Variants in DDX10 observed in about 807,000 individuals in gnomAD.
DDX10 encodes the protein DEAD-box helicase 10, also known as probable ATP-dependent RNA helicase DDX10.
Under a neutral mutation model 104.3 loss-of-function variants are expected in DDX10, and 74 were observed. The ratio of observed to expected loss-of-function variants is 0.71; its 90% CI spans 0.59 to 0.86. The LOEUF (loss-of-function observed/expected upper bound fraction) is 0.86, where lower values mean the gene tolerates loss of function less well. Ranked by LOEUF, DDX10 falls within the 40% of genes least tolerant of loss-of-function variation. The pLI is 0.00. For missense variants in DDX10, 952 were observed against 1,040.0 expected (o/e 0.92, Z 1.16); for synonymous variants, 351 against 353.4 (o/e 0.99, Z 0.08).
chr11:108,909,299 C>T (rs1290940282), intron 16 of DDX10, among the ~76,000 whole-genome samples: 2 of 152,148 alleles, frequency 1.3e-5, no homozygotes, highest in African/African-American at 4.8e-5. Flanking sequence ...GGACGGTGGC[C>T]CACCCAGGAA....
intron 17 of DDX10, chr11:108,929,472 C>G (rs979975138): frequency 1.3e-5 from 2 of 152,230 alleles, no homozygotes; most frequent in African/African-American, 4.8e-5. Flanking sequence ...CTGTACAATT[C>G]TGTGTATTCC....
intron 9 of DDX10, among the ~76,000 whole-genome samples, chr11:108,704,935 C>T (rs927151858): frequency 3.3e-5 from 5 of 152,128 alleles, no homozygotes; most frequent in Admixed American, 6.5e-5. Context: ...CCCCTAATGT[C>T]GGACAAATTC....
intron 17 of DDX10, among the ~76,000 whole-genome samples, chr11:108,931,623 A>C (rs527501092): frequency 6.6e-6 from 1 of 152,338 alleles, no homozygotes; most frequent in East Asian, 1.9e-4. Flanking sequence ...AGTTAAGGGG[A>C]TAAAAGGTTC....
At chr11:108,929,980 C>T (rs1863956466) in intron 17 of DDX10, among the ~76,000 whole-genome samples, 1 of 152,134 alleles carries the variant, frequency 6.6e-6, no homozygotes, top group Non-Finnish European at 1.5e-5. Context: ...AAATTTGTTA[C>T]AATTGATGAA....
At chr11:108,736,967 A>G (rs367687832) in intron 13 of DDX10, among the ~76,000 whole-genome samples, 67 of 152,336 alleles carry the variant, frequency 4.4e-4, no homozygotes, top group African/African-American at 1.3e-3. Context: ...CACATTGTCT[A>G]TATAATGAAG....
Position 108,689,051 on chromosome 11 carries a change from A to G in DDX10, c.964A>G (p.Ser322Gly), listed in dbSNP as rs1012176409. 1 of 1,613,984 alleles carries G rather than the reference A, an allele frequency of 6.2e-7. No homozygotes were observed. Among genetic ancestry groups the G allele is most frequent in the South Asian group, 1.1e-5 (1 of 91,030 alleles). ...LKKKSIVFFS[S>G]CKEVQYLYRV... ...GAAGAAGAGCATTGTATTTTTTTCC[A>G]GTTGCAAAGAGGTATTGGCTGTTTA... Residue 322 changes from serine to glycine, a missense_variant, in exon 7 of 18, where the codon AGT becomes GGT. Ser to Gly is a moderately conservative substitution (Grantham distance 56). This residue lies in a region of DDX10 where 412 missense variants were observed against 479.2 expected (regional missense o/e 0.86). Transcript: ENST00000322536.
intron 13 of DDX10, among the ~76,000 whole-genome samples, chr11:108,820,149 T>G (rs1862307344): frequency 6.6e-6 from 1 of 152,154 alleles, no homozygotes; most frequent in Non-Finnish European, 1.5e-5. Flanking sequence ...CTCAAAAGGG[T>G]GGTTGTGCCG....
intron 16 of DDX10, among the ~76,000 whole-genome samples, chr11:108,911,095 T>A (rs1387114856): frequency 2.6e-5 from 4 of 152,184 alleles, no homozygotes; most frequent in African/African-American, 9.7e-5. Flanking sequence ...TAGCAGAACC[T>A]GGCTTTCATT....
intron 2 of DDX10, among the ~76,000 whole-genome samples, chr11:108,673,793 A>C (rs1392445190): frequency 6.6e-6 from 1 of 152,228 alleles, no homozygotes; most frequent in Non-Finnish European, 1.5e-5. Flanking sequence ...GGAACAAACC[A>C]AGATGCAACA....
intron 13 of DDX10, among the ~76,000 whole-genome samples, chr11:108,736,519 T>C (rs949660282): frequency 6.6e-6 from 1 of 152,176 alleles, no homozygotes; most frequent in Non-Finnish European, 1.5e-5. Context: ...ATGGTTTGAA[T>C]GCATCTCCTC....
rs531984694 is a variant in DDX10 at position 108,940,242 on chromosome 11, C to G, written c.2451-4C>G. 349 of 1,613,330 alleles carry G rather than the reference C, an allele frequency of 2.2e-4. 1 individual carries two copies. The South Asian group carries it at 3.6e-3, about 17-fold the overall frequency. ...AAGTAAATCTTTGGATTTCTTCTCA[C>G]CAGTGATACCAAGAAGAAGCAGGGG... On this transcript the variant is annotated splice_region_variant and splice_polypyrimidine_tract_variant and intron_variant, in intron 17 of 17. Transcript: ENST00000322536.
At chr11:108,701,162 T>C (rs2094267267) in intron 9 of DDX10, among the ~76,000 whole-genome samples, 1 of 152,118 alleles carries the variant, frequency 6.6e-6, no homozygotes, top group Non-Finnish European at 1.5e-5. Flanking sequence ...TATAGAATCG[T>C]CAGACATTCC....
At chr11:108,718,652 G>A (rs11212763) in intron 11 of DDX10, among the ~76,000 whole-genome samples, 18,713 of 152,212 alleles carry the variant, frequency 0.12, 1,563 homozygotes, top group East Asian at 0.27. Flanking sequence ...ATAGAAAAGT[G>A]TGTTGAAATA....
At chr11:108,918,829 T>G (rs566016632) in intron 17 of DDX10, 1 of 152,332 alleles carries the variant, frequency 6.6e-6, no homozygotes, top group South Asian at 2.1e-4. Flanking sequence ...AAGAGTTTAT[T>G]GATTTCAAAG....
intron 13 of DDX10, among the ~76,000 whole-genome samples, chr11:108,795,681 T>C (rs1469292550): frequency 6.6e-6 from 1 of 152,112 alleles, no homozygotes; most frequent in Non-Finnish European, 1.5e-5. Context: ...TCATCCTTTT[T>C]TATGGCTGCA....
At chr11:108,712,464 C>CT (rs1201126762) in intron 10 of DDX10, among the ~76,000 whole-genome samples, 2 of 151,198 alleles carry the variant, frequency 1.3e-5, no homozygotes, top group Admixed American at 6.6e-5. Flanking sequence ...TTCTTTTTCA[C>CT]TTTTTTTAGT....
In DDX10 at chr11:108,837,796, T is replaced by A. The variant is rs1366932545; in HGVS notation, c.1966-650T>A. ...CGCCACCACACCCAGCTAATTTTTT[T>A]ATTTTTAGTAGAGATGGGGTTTCAC... On this transcript the variant is annotated intron_variant, in intron 13 of 17. Coordinates refer to ENST00000322536, the MANE Select transcript of DDX10 (RefSeq NM_004398.4). Among the ~76,000 whole-genome samples, 3 of 151,802 alleles carry A rather than the reference T, an allele frequency of 2.0e-5. No homozygotes were observed. The East Asian group carries it at 5.8e-4, about 29-fold the overall frequency.
intron 13 of DDX10, among the ~76,000 whole-genome samples, chr11:108,791,930 C>A (rs970770323): frequency 2.0e-5 from 3 of 152,068 alleles, no homozygotes; most frequent in African/African-American, 7.2e-5. Context: ...TCTAGTTGTT[C>A]TTCATCATTG....
chr11:108,756,685 C>T (rs1255531515), intron 13 of DDX10, among the ~76,000 whole-genome samples: 2 of 151,992 alleles, frequency 1.3e-5, no homozygotes, highest in Non-Finnish European at 2.9e-5. Flanking sequence ...TTTAGGTTGG[C>T]TTCTTTCAGA....
Sources: gnomAD v4.1 joint callset for allele counts (sites outside exome capture counted in the v4.1 genomes callset) on GRCh38, gnomAD v4.1.1 for gene constraint, gnomAD v4.1.1 regional missense constraint, MANE v1.5 for transcripts, NCBI Gene and HGNC (gene_info 2026-07-23, HGNC 2026-07-21) for gene names.